Variants in RIN3 observed in about 807,000 individuals in gnomAD.
RIN3 encodes RAB5 interacting protein 3.
In RIN3, 54 loss-of-function variants were observed where a neutral mutation model predicts 76.3. The observed-to-expected ratio is 0.71, with a 90% CI of 0.57 to 0.89. RIN3 has a LOEUF of 0.89. RIN3 is among the 40% of genes least tolerant of loss of function. The pLI is 0.00. For missense variants in RIN3, 1,256 were observed against 1,322.1 expected, an observed-to-expected ratio of 0.95 and a Z score of 0.78; for synonymous variants, 576 against 564.0, an observed-to-expected ratio of 1.02 and a Z score of -0.30.
chr14:92,579,297 G>A (rs1898363818), intron 3 of RIN3, among the ~76,000 whole-genome samples: 1 of 152,240 alleles, frequency 6.6e-6, no homozygotes, highest in Non-Finnish European at 1.5e-5. Context: ...TCCAGGCAAG[G>A]AGGAGGTTTG....
chr14:92,572,756 C>T (rs1279133466), intron 2 of RIN3, among the ~76,000 whole-genome samples: 5 of 151,792 alleles, frequency 3.3e-5, no homozygotes, highest in East Asian at 1.9e-4. Flanking sequence ...AGTGTGGCTC[C>T]GTGGGTTGGT....
chr14:92,665,658 A>G (rs559568201), intron 7 of RIN3, among the ~76,000 whole-genome samples: 42 of 151,990 alleles, frequency 2.8e-4, no homozygotes, highest in East Asian at 2.3e-3. Flanking sequence ...TGGGATTACA[A>G]GCGTGAGCCA....
chr14:92,679,317 G>T (rs999291555), intron 8 of RIN3, among the ~76,000 whole-genome samples: 1 of 152,092 alleles, frequency 6.6e-6, no homozygotes, highest in Non-Finnish European at 1.5e-5. Context: ...GTCACACCTT[G>T]CCCATGGCAG....
At chr14:92,665,972 C>G (rs1191981934) in intron 7 of RIN3, among the ~76,000 whole-genome samples, 3 of 151,818 alleles carry the variant, frequency 2.0e-5, no homozygotes, top group African/African-American at 7.3e-5. Context: ...CCCAGCAGCT[C>G]TTTGTTGAGC....
chr14:92,548,882 G>A (rs943048976), intron 1 of RIN3, among the ~76,000 whole-genome samples: 4 of 152,186 alleles, frequency 2.6e-5, no homozygotes, highest in African/African-American at 9.6e-5. Context: ...CTCTGAGGTT[G>A]AATCAGGCAG....
At chr14:92,570,310 C>T (rs1898028669) in intron 2 of RIN3, among the ~76,000 whole-genome samples, 1 of 118,784 alleles carries the variant, frequency 8.4e-6, no homozygotes, top group African/African-American at 3.3e-5. Flanking sequence ...CCAGAGTTCC[C>T]TCGTGGCAGA....
chr14:92,569,906 A>G lies in RIN3; in HGVS notation c.250-7454A>G, dbSNP rs565538908. 2.6e-5 allele frequency among the ~76,000 whole-genome samples: 4 copies of G among 152,338 alleles called. No homozygotes were observed. In the East Asian group the frequency reaches 7.7e-4, roughly 29 times the overall value. ...CCAACAAGAAGTCTACCCTTACTATAGGCAAGGGTCTTCTATTTTATTTTC... is the reference window on the plus strand; with the variant it reads ...CCAACAAGAAGTCTACCCTTACTATGGGCAAGGGTCTTCTATTTTATTTTC... On this transcript the variant is annotated intron_variant, in intron 2 of 9. Transcript: ENST00000216487.
chr14:92,639,620 CCTAGGCCA>C (rs1305292457), intron 4 of RIN3, among the ~76,000 whole-genome samples: 1 of 152,224 alleles, frequency 6.6e-6, no homozygotes, highest in Non-Finnish European at 1.5e-5. Flanking sequence ...GTGAAACAGC[CCTAGGCCA>C]AAAGTCAGGA....
At chr14:92,583,847 T>A (rs1884660664) in intron 3 of RIN3, among the ~76,000 whole-genome samples, 1 of 152,190 alleles carries the variant, frequency 6.6e-6, no homozygotes. Flanking sequence ...CCACTTCAGA[T>A]CATCAGGCAT....
At chr14:92,524,086 C>T (rs1952325) in intron 1 of RIN3, among the ~76,000 whole-genome samples, 10,045 of 152,050 alleles carry the variant, frequency 0.066, 1,101 homozygotes, top group African/African-American at 0.23. Flanking sequence ...CACAGCTACT[C>T]GGGAGGCTGA....
In RIN3 at chr14:92,685,035, G is replaced by C; in HGVS notation, c.2516G>C (p.Ser839Thr). The change falls in exon 9 of 10, where the codon AGC becomes ACC. Residue 839 changes from serine to threonine, a missense_variant. By Grantham distance (58) the Ser-to-Thr change is moderately conservative. Around this residue, in one of 3 missense-constraint regions of RIN3, gnomAD observed 428 missense variants for 521.2 expected, o/e 0.82. Coordinates refer to ENST00000216487, the MANE Select transcript of RIN3 (RefSeq NM_024832.5). The surrounding 1 kb of genome is among the most constrained non-coding windows in gnomAD (Gnocchi z 4.7). ...TTYGALEHIKSYDKITVTRQL... is the reference protein window; with the variant it reads ...TTYGALEHIKTYDKITVTRQL... ...TACGGGGCCCTGGAGCACATCAAGA[G>C]CTACGACAAGATCACGGTGACCCGG... 1 of 1,614,094 alleles carries C rather than the reference G, an allele frequency of 6.2e-7. No homozygotes were observed. Among genetic ancestry groups the C allele is most frequent in the Non-Finnish European group, 8.5e-7 (1 of 1,179,998 alleles).
At chr14:92,635,041 G>GT (rs1020096754) in intron 4 of RIN3, among the ~76,000 whole-genome samples, 1 of 152,116 alleles carries the variant, frequency 6.6e-6, no homozygotes, top group Non-Finnish European at 1.5e-5. Flanking sequence ...GTTCCCTTTG[G>GT]TTTTTTGTTG....
At position 92,652,509 on chromosome 14, in the gene RIN3, C is replaced by T. The variant is rs748704510; in HGVS notation, c.1460C>T (p.Ala487Val). 131 of 1,613,910 alleles carry T rather than the reference C, an allele frequency of 8.1e-5. No homozygotes were observed. Among genetic ancestry groups the T allele is most frequent in the Middle Eastern group, 1.6e-4 (1 of 6,084 alleles). ...GAGAACGCTGAGCTCTGCACACAGG[C>T]GATGGCCTTGGAGACACCCACGCCG... ...PLENAELCTQ[A>V]MALETPTPGP... Residue 487 changes from alanine (A) to valine (V), a missense_variant, in exon 6 of 10, where the codon GCG becomes GTG. This residue lies in a region of RIN3 where 428 missense variants were observed against 521.2 expected (regional missense o/e 0.82). Transcript: ENST00000216487. This position sits in a 1 kb window ranked among gnomAD's most constrained non-coding sequence, Gnocchi z 6.4.
intron 4 of RIN3, among the ~76,000 whole-genome samples, chr14:92,616,568 G>A (rs1366994925): frequency 6.6e-6 from 1 of 152,202 alleles, no homozygotes; most frequent in East Asian, 1.9e-4. Flanking sequence ...CTTTATAGGA[G>A]GCAGAGGGAC....
chr14:92,667,954 A>G (rs980159185), intron 7 of RIN3, among the ~76,000 whole-genome samples: 4 of 152,114 alleles, frequency 2.6e-5, no homozygotes, highest in African/African-American at 2.4e-5. Flanking sequence ...TTACCCCACA[A>G]CACAAATGGA....
intron 3 of RIN3, among the ~76,000 whole-genome samples, chr14:92,593,656 G>A (rs112635558): frequency 7.0e-4 from 107 of 152,174 alleles, no homozygotes; most frequent in African/African-American, 2.5e-3. Context: ...AAACCTGCAC[G>A]TTGTGCACAT....
chr14:92,556,073 ATT>A, intron 2 of RIN3, 118 bp downstream of exon 2: 1 of 816,480 alleles, frequency 1.2e-6, no homozygotes, highest in South Asian at 1.7e-5. Flanking sequence ...CTGCATGTTT[ATT>A]TCCCTTTCCT....
chr14:92,557,889 C>A (rs1897641716), intron 2 of RIN3, among the ~76,000 whole-genome samples: 1 of 152,204 alleles, frequency 6.6e-6, no homozygotes. Flanking sequence ...AGGGGATGGC[C>A]ATGTTCTGGA....
intron 3 of RIN3, among the ~76,000 whole-genome samples, chr14:92,579,379 C>T (rs969793618): frequency 1.3e-5 from 2 of 152,216 alleles, no homozygotes; most frequent in Non-Finnish European, 2.9e-5. Flanking sequence ...AGAGTTAGTT[C>T]AGCCTATGCC....
Sources: gnomAD v4.1 joint callset for allele counts (sites outside exome capture counted in the v4.1 genomes callset) on GRCh38, gnomAD v4.1.1 for gene constraint, gnomAD v4.1.1 regional missense constraint, Gnocchi (gnomAD v3.1) non-coding constraint, MANE v1.5 for transcripts, NCBI Gene and HGNC (gene_info 2026-07-23, HGNC 2026-07-21) for gene names.